The following ZNF804B variants were observed in gnomAD, a reference collection of about 807,000 sequenced individuals.
ZNF804B encodes the protein zinc finger 804B.
A neutral mutation model predicts 101.4 loss-of-function variants in ZNF804B; 80 were observed. That is an observed-to-expected ratio of 0.79 (90% CI 0.66 to 0.95). The LOEUF is 0.95. Among genes scored for constraint, ZNF804B ranks in the 40% least tolerant of loss-of-function variants. The pLI is 0.00. For synonymous variants in ZNF804B, 622 were observed against 558.8 expected, an observed-to-expected ratio of 1.11 and a Z score of -1.59; for missense variants, 1,673 against 1,561.9, an observed-to-expected ratio of 1.07 and a Z score of -1.20.
chr7:89,050,270 T>G (rs1464884811), intron 1 of ZNF804B, among the ~76,000 whole-genome samples: 2 of 152,174 alleles, frequency 1.3e-5, no homozygotes, highest in Admixed American at 1.3e-4. Context: ...GAACTTCCTA[T>G]AATTTCCTTT....
chr7:88,991,202 A>T (rs1793840141), intron 1 of ZNF804B, among the ~76,000 whole-genome samples: 1 of 152,196 alleles, frequency 6.6e-6, no homozygotes, highest in African/African-American at 2.4e-5. Context: ...GTCAGATCCC[A>T]GAAGGCAGTG....
chr7:89,214,369 A>G (rs1269311337), intron 1 of ZNF804B, among the ~76,000 whole-genome samples: 1 of 152,146 alleles, frequency 6.6e-6, no homozygotes, highest in African/African-American at 2.4e-5. Flanking sequence ...CTGGCAAATG[A>G]ATGAATTCAT....
chr7:89,233,355 A>G (rs1233659775), intron 2 of ZNF804B, among the ~76,000 whole-genome samples: 1 of 152,222 alleles, frequency 6.6e-6, no homozygotes, highest in African/African-American at 2.4e-5. Context: ...GAGCACACAG[A>G]CATGTGGTTG....
chr7:89,258,293 C>T (rs1186288116), intron 2 of ZNF804B, among the ~76,000 whole-genome samples: 5 of 152,022 alleles, frequency 3.3e-5, no homozygotes, highest in Admixed American at 3.3e-4. Flanking sequence ...GATCCTGGAA[C>T]TAATCCTCTG....
chr7:88,973,030 C>T (rs937626183), intron 1 of ZNF804B, among the ~76,000 whole-genome samples: 2 of 151,220 alleles, frequency 1.3e-5, no homozygotes, highest in African/African-American at 2.4e-5. Flanking sequence ...CATAGATATC[C>T]TGCAGTAAGA....
chr7:89,160,570 A>C (rs1791043667), intron 1 of ZNF804B, among the ~76,000 whole-genome samples: 1 of 152,178 alleles, frequency 6.6e-6, no homozygotes, highest in African/African-American at 2.4e-5. Context: ...CATAAAATAG[A>C]GTACACCTAA....
chr7:89,194,085 A>G (rs368622021), intron 1 of ZNF804B, among the ~76,000 whole-genome samples: 6 of 151,714 alleles, frequency 4.0e-5, no homozygotes, highest in East Asian at 3.9e-4. Flanking sequence ...ATTTTTTCAT[A>G]TGTTTTTTGG....
At chr7:89,071,753 G>A (rs1789544343) in intron 1 of ZNF804B, among the ~76,000 whole-genome samples, 1 of 149,406 alleles carries the variant, frequency 6.7e-6, no homozygotes, top group African/African-American at 2.5e-5. Flanking sequence ...GATTTTTCAA[G>A]TAGTAGATAT....
At chr7:88,855,622 G>C (rs1791543294) in intron 1 of ZNF804B, among the ~76,000 whole-genome samples, 1 of 152,158 alleles carries the variant, frequency 6.6e-6, no homozygotes, top group Admixed American at 6.5e-5. Flanking sequence ...GATCGCATTT[G>C]TCAATTTTGG....
intron 1 of ZNF804B, among the ~76,000 whole-genome samples, chr7:89,101,004 A>G (rs924508991): frequency 6.6e-6 from 1 of 152,032 alleles, no homozygotes; most frequent in African/African-American, 2.4e-5. Flanking sequence ...ACCAAATGTA[A>G]TTCATACCAA....
At chr7:89,161,158 G>T (rs1791055524) in intron 1 of ZNF804B, among the ~76,000 whole-genome samples, 1 of 151,986 alleles carries the variant, frequency 6.6e-6, no homozygotes, top group Non-Finnish European at 1.5e-5. Context: ...ACTGTGCAGA[G>T]AAACCTCCGC....
chr7:89,163,910 C>T, intron 1 of ZNF804B, among the ~76,000 whole-genome samples: 1 of 151,368 alleles, frequency 6.6e-6, no homozygotes, highest in East Asian at 1.9e-4. Context: ...TTTCTTTCTT[C>T]TTCCTCTCCT....
chr7:89,192,150 G>A (rs1584043068), intron 1 of ZNF804B, among the ~76,000 whole-genome samples: 1 of 151,978 alleles, frequency 6.6e-6, no homozygotes, highest in Non-Finnish European at 1.5e-5. Context: ...TATTTAAAGT[G>A]CACAGTTTAA....
chr7:88,807,879 A>C (rs936610643), intron 1 of ZNF804B, among the ~76,000 whole-genome samples: 13 of 152,198 alleles, frequency 8.5e-5, no homozygotes, highest in African/African-American at 4.8e-5. Context: ...ATAAGGCAGT[A>C]ATTTTTCTTC....
intron 1 of ZNF804B, among the ~76,000 whole-genome samples, chr7:89,026,878 T>C (rs1788760474): frequency 6.6e-6 from 1 of 152,100 alleles, no homozygotes; most frequent in Non-Finnish European, 1.5e-5. Context: ...GGTCTGGCTC[T>C]TAGGAAAAAA....
At chr7:89,031,143 C>T (rs1165128134) in intron 1 of ZNF804B, among the ~76,000 whole-genome samples, 1 of 151,394 alleles carries the variant, frequency 6.6e-6, no homozygotes, top group Non-Finnish European at 1.5e-5. Context: ...ACATTACGCA[C>T]ATGTACCCTG....
chr7:88,992,244 A>G (rs1793858241), intron 1 of ZNF804B, among the ~76,000 whole-genome samples: 1 of 152,196 alleles, frequency 6.6e-6, no homozygotes, highest in Non-Finnish European at 1.5e-5. Flanking sequence ...GCATACCAAA[A>G]TTAAATATTA....
intron 1 of ZNF804B, among the ~76,000 whole-genome samples, chr7:88,953,770 C>T (rs1464434463): frequency 1.3e-5 from 2 of 151,678 alleles, no homozygotes; most frequent in Admixed American, 1.3e-4. Flanking sequence ...AGGTTGTCTA[C>T]CTTCCCCATA....
intron 1 of ZNF804B, among the ~76,000 whole-genome samples, chr7:89,080,841 A>G (rs1174053505): frequency 6.6e-6 from 1 of 151,944 alleles, no homozygotes; most frequent in Non-Finnish European, 1.5e-5. Flanking sequence ...CATAATAAGG[A>G]ATTCCCCACA....
Sources: gnomAD v4.1 joint callset for allele counts (sites outside exome capture counted in the v4.1 genomes callset) on GRCh38, gnomAD v4.1.1 for gene constraint, MANE v1.5 for transcripts, NCBI Gene and HGNC (gene_info 2026-07-23, HGNC 2026-07-21) for gene names.